Variants in DNAJC7 observed in about 807,000 individuals in gnomAD.
DNAJC7 encodes DnaJ heat shock protein family (Hsp40) member C7.
Under a neutral mutation model 67.4 loss-of-function variants are expected in DNAJC7, and 18 were observed. The ratio of observed to expected loss-of-function variants is 0.27; its 90% CI spans 0.18 to 0.40. The LOEUF (loss-of-function observed/expected upper bound fraction) is 0.40, where lower values mean the gene tolerates loss of function less well. DNAJC7 is among the 10% of genes least tolerant of loss of function. The pLI, the probability that DNAJC7 is intolerant of heterozygous loss-of-function variation, is 1.00. For missense variants in DNAJC7, 419 were observed against 613.8 expected (o/e 0.68, Z 3.35); for synonymous variants, 220 against 207.8 (o/e 1.06, Z -0.50).
intron 3 of DNAJC7, 57 bp from the exon 4 acceptor site, chr17:41,996,481 C>G: frequency 6.8e-7 from 1 of 1,479,860 alleles, no homozygotes; most frequent in East Asian, 2.3e-5. Context: ...GGAAAGAAAT[C>G]AACAGCAGCA....
At chr17:42,008,702 G>A (rs1052072297) in intron 1 of DNAJC7, among the ~76,000 whole-genome samples, 16 of 151,924 alleles carry the variant, frequency 1.1e-4, no homozygotes, top group African/African-American at 3.1e-4. Context: ...GAGCCACCGC[G>A]CCGGGTCAGA....
intron 1 of DNAJC7, among the ~76,000 whole-genome samples, chr17:42,005,092 C>G (rs542721571): frequency 6.6e-6 from 1 of 152,180 alleles, no homozygotes; most frequent in African/African-American, 2.4e-5. Flanking sequence ...AATAAATGTT[C>G]GTTAAAATCT....
chr17:41,994,204 C>G (rs1190569111), intron 5 of DNAJC7, among the ~76,000 whole-genome samples: 1 of 151,672 alleles, frequency 6.6e-6, no homozygotes, highest in Non-Finnish European at 1.5e-5. Context: ...GGCGTGGTGG[C>G]GCATGCCTAT....
intron 1 of DNAJC7, among the ~76,000 whole-genome samples, chr17:42,010,525 G>GT (rs536917479): frequency 1.6e-4 from 24 of 152,010 alleles, no homozygotes; most frequent in Non-Finnish European, 3.2e-4. Flanking sequence ...TGCTTCCTGA[G>GT]TTTTTTTGGG....
intron 1 of DNAJC7, 45 bp from the exon 2 acceptor site, chr17:42,000,615 A>AAGTT: frequency 6.9e-7 from 1 of 1,449,144 alleles, no homozygotes; most frequent in Non-Finnish European, 9.6e-7. Flanking sequence ...TACAAAGGGA[A>AAGTT]TAACCTCTGT....
At chr17:41,980,149 A>G (rs990960742) in intron 12 of DNAJC7, among the ~76,000 whole-genome samples, 2 of 150,282 alleles carry the variant, frequency 1.3e-5, no homozygotes, top group Non-Finnish European at 3.0e-5. Flanking sequence ...TCCCGAGTTC[A>G]AGCGATTCTC....
At chr17:41,999,684 C>A (rs1291533274) in intron 2 of DNAJC7, among the ~76,000 whole-genome samples, 5 of 152,026 alleles carry the variant, frequency 3.3e-5, no homozygotes, top group African/African-American at 1.2e-4. Flanking sequence ...CCACACCCAG[C>A]AAATTTTTGT....
chr17:41,994,227 TCAGGAGGTTGAGG>T (rs2051593788), intron 5 of DNAJC7, among the ~76,000 whole-genome samples: 1 of 151,542 alleles, frequency 6.6e-6, no homozygotes, highest in South Asian at 2.1e-4. Context: ...TCCCAGCTAC[TCAGGAGGTTGAGG>T]CAGGAGAATC....
intron 1 of DNAJC7, chr17:42,011,461 G>A (rs2052114827): frequency 6.6e-6 from 1 of 152,162 alleles, no homozygotes. Flanking sequence ...CACTAAGAGA[G>A]AACCTTTCTC....
intron 1 of DNAJC7, chr17:42,000,885 T>C (rs1342206767): frequency 1.1e-5 from 2 of 186,166 alleles, no homozygotes; most frequent in Non-Finnish European, 2.2e-5. Flanking sequence ...AATTTAGACA[T>C]TCCCTCATGG....
intron 1 of DNAJC7, chr17:42,013,329 A>C (rs1420725887): frequency 1.3e-5 from 2 of 152,236 alleles, no homozygotes; most frequent in East Asian, 1.9e-4. Flanking sequence ...CTCTACAGAA[A>C]CACTAAAGCT....
rs565925657 is a variant in DNAJC7, at chr17:42,017,380, C to T, written c.37G>A (p.Ala13Thr). Residue 13 changes from alanine to threonine, a missense_variant, in exon 1 of 14, where the codon GCG becomes ACG. Ala to Thr is a moderately conservative substitution (Grantham distance 58, BLOSUM62 0). Transcript: ENST00000457167. ...AAAECDVVMA[A>T]TEPELLDDQE... Reference sequence around the variant, plus strand: ...TCGTCGAGCAGCTCCGGCTCGGTCGCCGCCATTACCACATCGCACTCCGCG... The same window carrying T: ...TCGTCGAGCAGCTCCGGCTCGGTCGTCGCCATTACCACATCGCACTCCGCG... 1.3e-5 allele frequency: 21 copies of T among 1,610,364 alleles called. No individual in the cohort carries two copies. Among genetic ancestry groups the T allele is most frequent in the African/African-American group, 5.3e-5 (4 of 75,060 alleles).
In DNAJC7 at chr17:41,997,299, T is replaced by G. The variant is rs868982557; in HGVS notation, c.167-60A>C. 2.8e-5 allele frequency: 44 copies of G among 1,571,904 alleles called. No individual in the cohort carries two copies. The African/African-American group carries it at 2.8e-4, about 10-fold the overall frequency. ...TAGAACAGGTCCCTGCTTTGAAAAC[T>G]TAGAGGGGGCTGGGCGCAGTGGCTC... On this transcript the variant is annotated intron_variant, in intron 2 of 13. Transcript: ENST00000457167.
chr17:41,986,047 T>TAAAAAAAAAAAGAAAAA (rs2051366276), intron 9 of DNAJC7: 1 of 32,550 alleles, frequency 3.1e-5, no homozygotes, highest in Non-Finnish European at 5.3e-5. Flanking sequence ...GGGGCTTGCT[T>TAAAAAAAAAAAGAAAAA]AAAAAAAAAA....
chr17:41,992,807 A>T (rs1229792406), intron 5 of DNAJC7: 2 of 152,132 alleles, frequency 1.3e-5, no homozygotes, highest in Non-Finnish European at 2.9e-5. Context: ...ACCGTGAGCT[A>T]CAGTGGGGGG....
intron 4 of DNAJC7, 99 bp downstream of exon 4, chr17:41,996,212 G>A: frequency 8.6e-7 from 1 of 1,163,324 alleles, no homozygotes; most frequent in Non-Finnish European, 1.3e-6. Context: ...TGTGCTGATG[G>A]CAGAAGTGAG....
intron 1 of DNAJC7, chr17:42,013,044 C>G (rs1461217124): frequency 6.6e-6 from 1 of 152,202 alleles, no homozygotes; most frequent in Non-Finnish European, 1.5e-5. Flanking sequence ...TGGCCTCAAG[C>G]AATCCACTGG....
chr17:41,988,078 T>C (rs140994666), intron 8 of DNAJC7, among the ~76,000 whole-genome samples, 168 bp from the exon 9 acceptor site: 10 of 152,328 alleles, frequency 6.6e-5, no homozygotes, highest in East Asian at 1.9e-4. Context: ...AACTTCAAAA[T>C]TGATTTCTCT....
chr17:42,017,234 G>GCAAACACCTGTTTGTT, intron 1 of DNAJC7, 106 bp downstream of exon 1: 1 of 1,599,808 alleles, frequency 6.3e-7, no homozygotes, highest in Non-Finnish European at 8.5e-7. Flanking sequence ...GTTTGCGGAG[G>GCAAACACCTGTTTGTT]GCGGGGCATC....
Sources: allele counts gnomAD v4.1 joint callset (sites outside exome capture counted in the v4.1 genomes callset), GRCh38; gene constraint gnomAD v4.1.1; transcripts MANE v1.5; gene names NCBI Gene and HGNC (gene_info 2026-07-23, HGNC 2026-07-21).